FRMD6: variants seen among roughly 807,000 people sequenced by gnomAD.
FRMD6 encodes FERM domain-containing protein 6.
A neutral mutation model predicts 73.2 loss-of-function variants in FRMD6; 37 were observed. The ratio of observed to expected loss-of-function variants is 0.51; its 90% CI spans 0.39 to 0.66. The LOEUF is 0.66. Among genes scored for constraint, FRMD6 ranks in the 30% least tolerant of loss-of-function variants. The probability of loss-of-function intolerance (pLI) is 0.00; values close to 1 mark genes in which losing one functional copy is unlikely to be tolerated. For missense variants in FRMD6, 714 were observed against 780.5 expected (o/e 0.91, Z 1.02); for synonymous variants, 273 against 282.2 (o/e 0.97, Z 0.33).
the FRMD6 span, among the ~76,000 whole-genome samples, chr14:51,416,728 G>C: frequency 6.6e-6 from 1 of 152,164 alleles, no homozygotes; most frequent in Non-Finnish European, 1.5e-5. Flanking sequence ...CTGTCTTGTT[G>C]ATCTGTCTAA....
At chr14:51,626,370 G>A (rs1184486584) in intron 2 of FRMD6, among the ~76,000 whole-genome samples, 1 of 152,144 alleles carries the variant, frequency 6.6e-6, no homozygotes, top group Admixed American at 6.5e-5. Flanking sequence ...CTAATTCTTG[G>A]TGGTACTCCA....
the FRMD6 span, among the ~76,000 whole-genome samples, chr14:51,417,693 G>A: frequency 6.6e-6 from 1 of 152,094 alleles, no homozygotes; most frequent in East Asian, 1.9e-4. Flanking sequence ...TTTGAATGTT[G>A]GCCTGTCTTG....
intron 2 of FRMD6, among the ~76,000 whole-genome samples, chr14:51,622,659 G>A (rs1890967856): frequency 6.6e-6 from 1 of 152,194 alleles, no homozygotes; most frequent in Non-Finnish European, 1.5e-5. Context: ...GCTGAAGTCA[G>A]ATTCCAGAGC....
At chr14:51,653,384 C>A (rs1009832197) in intron 1 of FRMD6, among the ~76,000 whole-genome samples, 2 of 152,194 alleles carry the variant, frequency 1.3e-5, no homozygotes, top group African/African-American at 4.8e-5. Context: ...GAATGTAAGT[C>A]ATTTCCTTTC....
intron 1 of FRMD6, among the ~76,000 whole-genome samples, chr14:51,506,000 G>A (rs1474532205): frequency 6.6e-6 from 1 of 151,920 alleles, no homozygotes; most frequent in East Asian, 1.9e-4. Flanking sequence ...CTCCAAAAAC[G>A]CTTCCTGTAA....
chr14:51,697,983 A>AC, intron 2 of FRMD6, 159 bp from the exon 3 acceptor site: 1 of 543,190 alleles, frequency 1.8e-6, no homozygotes, highest in South Asian at 2.3e-5. Context: ...CTGAAACACA[A>AC]CCCCAGGTTA....
chr14:51,592,696 C>T (rs1594568551), intron 2 of FRMD6, among the ~76,000 whole-genome samples: 1 of 152,122 alleles, frequency 6.6e-6, no homozygotes, highest in South Asian at 2.1e-4. Flanking sequence ...TTTTTGGTTT[C>T]CATCGTAACT....
At chr14:51,487,381 A>G (rs1188238592), upstream of FRMD6, among the ~76,000 whole-genome samples, 2 of 152,250 alleles carry the variant, frequency 1.3e-5, no homozygotes, top group Non-Finnish European at 2.9e-5. Flanking sequence ...GCTGCTGACT[A>G]TATGAAAACA....
chr14:51,698,750 C>T (rs953183267), intron 3 of FRMD6, among the ~76,000 whole-genome samples: 2 of 151,820 alleles, frequency 1.3e-5, no homozygotes, highest in East Asian at 1.9e-4. Context: ...TTGGAAATAT[C>T]GGGTCAGTTT....
At position 51,612,453 on chromosome 14, in the gene FRMD6, T is replaced by G. The variant is rs185286182; in HGVS notation, c.-147+42043T>G. Reference sequence around the variant, plus strand: ...AAGGGAAAGATGCCTAGGCCAACTATAAGAAGACCTGAATTCTAATTTTAT... The same window carrying G: ...AAGGGAAAGATGCCTAGGCCAACTAGAAGAAGACCTGAATTCTAATTTTAT... On this transcript the variant is annotated intron_variant, in intron 2 of 14. Transcript: ENST00000356218. Among the ~76,000 whole-genome samples the G allele has an allele frequency of 4.3e-3, 658 of 152,358 alleles. 1 individual carries two copies. The highest frequency in any genetic ancestry group is 7.8e-3 in the Non-Finnish European group (533 of 68,024).
the FRMD6 span, among the ~76,000 whole-genome samples, chr14:51,400,451 A>T: frequency 6.6e-6 from 1 of 152,140 alleles, no homozygotes. Context: ...CTCCTGCATC[A>T]TTACTATTTT....
At chr14:51,461,310 G>T in the FRMD6 span, among the ~76,000 whole-genome samples, 1 of 152,214 alleles carries the variant, frequency 6.6e-6, no homozygotes, top group African/African-American at 2.4e-5. Flanking sequence ...AGAGAATGAT[G>T]ATTAGATGCT....
chr14:51,667,274 T>C (rs1343871743), intron 1 of FRMD6, among the ~76,000 whole-genome samples: 2 of 152,188 alleles, frequency 1.3e-5, no homozygotes, highest in Non-Finnish European at 2.9e-5. Context: ...AAAAATAAAC[T>C]TAGTAATCCC....
chr14:51,550,586 C>CCA (rs1555374781), intron 1 of FRMD6, among the ~76,000 whole-genome samples: 6 of 150,944 alleles, frequency 4.0e-5, no homozygotes, highest in South Asian at 2.1e-4. Flanking sequence ...GGAGACCCCC[C>CCA]CGCCATGCTT....
chr14:51,403,031 C>T, the FRMD6 span, among the ~76,000 whole-genome samples: 2 of 152,166 alleles, frequency 1.3e-5, no homozygotes, highest in African/African-American at 2.4e-5. Context: ...AATCTCTCTC[C>T]CAAATGCTTA....
intron 1 of FRMD6, among the ~76,000 whole-genome samples, chr14:51,550,816 C>T (rs1364440912): frequency 6.6e-6 from 1 of 152,158 alleles, no homozygotes; most frequent in South Asian, 2.1e-4. Flanking sequence ...TTGCTAGTTT[C>T]CCTTGCCTCT....
chr14:51,631,047 G>A (rs1166164533), intron 2 of FRMD6, among the ~76,000 whole-genome samples: 1 of 152,108 alleles, frequency 6.6e-6, no homozygotes, highest in East Asian at 1.9e-4. Context: ...CACCAAGAAA[G>A]GATTGCTCAT....
chr14:51,472,302 TATA>T, the FRMD6 span, among the ~76,000 whole-genome samples: 1 of 151,854 alleles, frequency 6.6e-6, no homozygotes, highest in Non-Finnish European at 1.5e-5. Context: ...TTATTATTAT[TATA>T]ATAATAATTA....
intron 1 of FRMD6, among the ~76,000 whole-genome samples, chr14:51,687,086 TCTGTGCTGCATA>T (rs1895213636): frequency 6.6e-6 from 1 of 152,200 alleles, no homozygotes; most frequent in Admixed American, 6.5e-5. Context: ...CCAGTCATCT[TCTGTGCTGCATA>T]TTTGAGCCAT....
Sources: gnomAD v4.1 joint callset for allele counts (sites outside exome capture counted in the v4.1 genomes callset) on GRCh38, gnomAD v4.1.1 for gene constraint, MANE v1.5 for transcripts, NCBI Gene and HGNC (gene_info 2026-07-23, HGNC 2026-07-21) for gene names.